Variants in WNK1 observed in about 807,000 individuals in gnomAD.
The protein encoded by WNK1 is serine/threonine-protein kinase WNK1.
WNK1 carries 38 observed loss-of-function variants against 222.8 expected under a neutral mutation model. That is an observed-to-expected ratio of 0.17 (90% CI 0.13 to 0.22). The LOEUF is 0.22. Among genes scored for constraint, WNK1 ranks in the 10% least tolerant of loss-of-function variants. WNK1 has a pLI of 1.00. For missense variants in WNK1, 2,348 were observed against 2,918.4 expected, an observed-to-expected ratio of 0.80 and a Z score of 4.50; for synonymous variants, 1,090 against 1,092.9, an observed-to-expected ratio of 1.00 and a Z score of 0.05.
chr12:897,389 C>A (rs1954846790), intron 24 of WNK1, 90 bp from the exon 25 acceptor site: 3 of 883,534 alleles, frequency 3.4e-6, no homozygotes, highest in African/African-American at 1.6e-5. Flanking sequence ...CTACTACATA[C>A]TTGAAAGCAG....
In WNK1 at chr12:908,634, ACCC is replaced by A; in HGVS notation, c.6993_6995del (p.Pro2332del). 1 of 1,614,090 alleles carries A rather than the reference ACCC, an allele frequency of 6.2e-7. No individual in the cohort carries two copies. ...CCCACAGCAGTATGGCTTTCCAGCT[ACCC>A]CATTTGGCGCTCAATGGAGTGGGAC... On this transcript the variant is annotated inframe_deletion, in exon 28 of 28. Transcript: ENST00000315939.
intron 15 of WNK1, 52 bp downstream of exon 15, chr12:883,111 G>GT (rs1953324753): frequency 7.8e-7 from 1 of 1,285,570 alleles, no homozygotes; most frequent in Non-Finnish European, 1.1e-6. Context: ...GATCTTAATA[G>GT]CCATTGCTCT....
intron 26 of WNK1, chr12:904,495 G>A (rs1839227433): frequency 7.8e-7 from 1 of 1,289,010 alleles, no homozygotes; most frequent in Non-Finnish European, 1.0e-6. Flanking sequence ...CAGCTCTGTA[G>A]TAATTATCTT....
chr12:901,573 TTAAC>T (rs1444717937), intron 26 of WNK1: 75 of 1,288,988 alleles, frequency 5.8e-5, no homozygotes, highest in Non-Finnish European at 7.5e-5. Context: ...TGTGCGAAGT[TTAAC>T]TGTGCATCTG....
At chr12:898,985 C>A (rs935755153) in intron 25 of WNK1, among the ~76,000 whole-genome samples, 3 of 152,132 alleles carry the variant, frequency 2.0e-5, no homozygotes, top group African/African-American at 7.2e-5. Context: ...GGTGATCCAC[C>A]CACCTTGGCC....
At chr12:828,027 A>AT (rs1481806562) in intron 3 of WNK1, among the ~76,000 whole-genome samples, 1 of 151,662 alleles carries the variant, frequency 6.6e-6, no homozygotes, top group East Asian at 1.9e-4. Flanking sequence ...GCCAAGCACA[A>AT]TGGCTCATGC....
chr12:866,470 C>T (rs1435984245), intron 8 of WNK1, among the ~76,000 whole-genome samples: 2 of 152,174 alleles, frequency 1.3e-5, no homozygotes, highest in African/African-American at 2.4e-5. Flanking sequence ...TCAAGTGATT[C>T]TCCTGCCTCA....
intron 2 of WNK1, among the ~76,000 whole-genome samples, chr12:816,767 A>G (rs1273872199): frequency 6.6e-6 from 1 of 152,214 alleles, no homozygotes; most frequent in Non-Finnish European, 1.5e-5. Flanking sequence ...ACTGTTTCCA[A>G]AGAAGATGAC....
Position 885,134 on chromosome 12 carries a change from A to T in WNK1, c.4330A>T (p.Ser1444Cys), listed in dbSNP as rs1228999178. The change falls in exon 19 of 28, where the codon AGT becomes TGT. Residue 1444 changes from serine (S) to cysteine (C), a missense_variant. Physicochemically the swap from Ser to Cys is moderately radical, Grantham distance 112 (BLOSUM62 -1). Coordinates refer to ENST00000315939, the MANE Select transcript of WNK1 (RefSeq NM_018979.4). ...PTSTSEIVVS[S>C]TALYPSVTVS... ...ATCCACATCTGAGATCGTTGTTTCT[A>T]GTACAGCACTGTATCCTTCAGTAAC... 6.2e-7 allele frequency: 1 copy of T among 1,614,192 alleles called. No homozygotes were observed. Among genetic ancestry groups the T allele is most frequent in the South Asian group, 1.1e-5 (1 of 91,084 alleles).
At chr12:756,623 G>A (rs545822247) in intron 1 of WNK1, among the ~76,000 whole-genome samples, 18 of 152,240 alleles carry the variant, frequency 1.2e-4, no homozygotes, top group Non-Finnish European at 2.1e-4. Flanking sequence ...TATCTTACCT[G>A]AAAAATCCTT....
intron 1 of WNK1, among the ~76,000 whole-genome samples, chr12:791,596 A>T (rs1944851047): frequency 1.3e-5 from 2 of 151,578 alleles, no homozygotes; most frequent in African/African-American, 4.8e-5. Flanking sequence ...ATTACATTTT[A>T]TATCTAGCCT....
chr12:760,385 G>C (rs1940847266), intron 1 of WNK1, among the ~76,000 whole-genome samples: 1 of 147,722 alleles, frequency 6.8e-6, no homozygotes, highest in African/African-American at 2.4e-5. Flanking sequence ...TTGAGTTCTA[G>C]ATTACCCAAT....
intron 5 of WNK1, among the ~76,000 whole-genome samples, chr12:858,930 G>A (rs866208802): frequency 3.3e-5 from 5 of 152,160 alleles, no homozygotes; most frequent in Middle Eastern, 3.4e-3. Flanking sequence ...TAAGATCATT[G>A]GATTTAAAAA....
rs908080672 is a variant in WNK1, at chr12:911,301, C to CTT, written c.*2511_*2512dup. On this transcript the variant is annotated 3_prime_UTR_variant, in exon 28 of 28. Coordinates refer to ENST00000315939, the MANE Select transcript of WNK1 (RefSeq NM_018979.4). ...TTAAAAATAAAAATAAAAATTCAAA[C>CTT]TTTGGGGGTTTCTCAGCAGCCGTTA... is the stretch of plus-strand genomic sequence containing the variant. The CTT allele has an allele frequency of 2.0e-5, 8 of 398,444 alleles. No individual in the cohort carries two copies. Among genetic ancestry groups the CTT allele is most frequent in the Non-Finnish European group, 3.1e-5 (7 of 226,070 alleles). The allele number at this position is 398,444 out of a possible 1,614,324, so 24.7% of individuals were successfully genotyped here. A position where few individuals can be genotyped will look rare whatever the true frequency, so the allele number is the denominator to read the frequency against.
At chr12:866,622 A>G (rs560972567) in intron 8 of WNK1, among the ~76,000 whole-genome samples, 4 of 152,252 alleles carry the variant, frequency 2.6e-5, no homozygotes, top group Admixed American at 1.3e-4. Context: ...AGCCTCCCAC[A>G]GTGCTGGGAT....
intron 4 of WNK1, among the ~76,000 whole-genome samples, chr12:842,196 A>T (rs868245360): frequency 1.7e-4 from 26 of 152,346 alleles, no homozygotes; most frequent in African/African-American, 6.3e-4. Flanking sequence ...GTGAAATTTG[A>T]GGTGACCTTC....
intron 1 of WNK1, among the ~76,000 whole-genome samples, chr12:762,907 C>T (rs1433164051): frequency 6.8e-6 from 1 of 146,356 alleles, no homozygotes; most frequent in African/African-American, 2.4e-5. Flanking sequence ...CCACCATGCC[C>T]AGCTAATTTT....
chr12:875,016 A>AT (rs1209369508), intron 9 of WNK1, among the ~76,000 whole-genome samples: 2 of 152,204 alleles, frequency 1.3e-5, no homozygotes, highest in African/African-American at 4.8e-5. Flanking sequence ...AATAAAGAAT[A>AT]TTCCAGGCCA....
At chr12:832,411 A>G (rs1164829388) in intron 4 of WNK1, among the ~76,000 whole-genome samples, 1 of 152,224 alleles carries the variant, frequency 6.6e-6, no homozygotes. Flanking sequence ...CTTTAGGTAG[A>G]CCAAATTTTA....
Sources: gnomAD v4.1 joint callset for allele counts (sites outside exome capture counted in the v4.1 genomes callset) on GRCh38, gnomAD v4.1.1 for gene constraint, MANE v1.5 for transcripts, NCBI Gene and HGNC (gene_info 2026-07-23, HGNC 2026-07-21) for gene names.